TNFRSF21: variants seen among roughly 807,000 people sequenced by gnomAD.
TNFRSF21 encodes the protein tumor necrosis factor receptor superfamily member 21.
Under a neutral mutation model 45.6 loss-of-function variants are expected in TNFRSF21, and 19 were observed. The ratio of observed to expected loss-of-function variants is 0.42; its 90% CI spans 0.29 to 0.61. The LOEUF (loss-of-function observed/expected upper bound fraction) is 0.61, where lower values mean the gene tolerates loss of function less well. Ranked by LOEUF, TNFRSF21 falls within the 20% of genes least tolerant of loss-of-function variation. TNFRSF21 has a pLI of 0.23. For missense variants in TNFRSF21, 737 were observed against 851.5 expected (o/e 0.87, Z 1.67); for synonymous variants, 314 against 335.5 (o/e 0.94, Z 0.70).
intron 4 of TNFRSF21, among the ~76,000 whole-genome samples, chr6:47,244,719 G>T (rs530998149): frequency 1.3e-5 from 2 of 152,180 alleles, no homozygotes; most frequent in Admixed American, 1.3e-4. Context: ...TTCCTCTGTG[G>T]CAATTGTTTA....
rs1455929041 is a variant in TNFRSF21 at position 47,232,839 on chromosome 6, T to C, written c.1894A>G (p.Ile632Val). The change falls in exon 6 of 6, where the codon ATT (isoleucine) becomes GTT (valine). Residue 632 changes from isoleucine (I) to valine (V), a missense_variant. By Grantham distance (29) the Ile-to-Val change is conservative (BLOSUM62 3). Transcript: ENST00000296861. ...EDKLDRLFEI[I>V]GVKSQEASQT... The stretch of plus-strand genomic sequence containing the variant: ...CTGGCTTCCTGGCTCTTGACTCCAA[T>C]AATTTCGAATAGCCGGTCTAGTTTG... The C allele has an allele frequency of 1.2e-6, 2 of 1,614,128 alleles. No homozygotes were observed. Among genetic ancestry groups the C allele is most frequent in the African/African-American group, 2.7e-5 (2 of 75,010 alleles).
chr6:47,253,888 C>A (rs968525003), intron 3 of TNFRSF21, among the ~76,000 whole-genome samples: 23 of 152,184 alleles, frequency 1.5e-4, no homozygotes, highest in African/African-American at 5.5e-4. Context: ...CCAAGATCCC[C>A]AGTGGATGCC....
chr6:47,305,597 G>A (rs1193610642), intron 1 of TNFRSF21, among the ~76,000 whole-genome samples: 2 of 152,124 alleles, frequency 1.3e-5, no homozygotes, highest in African/African-American at 2.4e-5. Flanking sequence ...GCCAATGTAC[G>A]AGGTAATGTA....
intron 3 of TNFRSF21, among the ~76,000 whole-genome samples, chr6:47,265,951 A>C (rs1561943857): frequency 6.6e-6 from 1 of 152,196 alleles, no homozygotes; most frequent in Non-Finnish European, 1.5e-5. Flanking sequence ...TGGTTTTAAT[A>C]ATTCAGATGA....
chr6:47,234,288 C>G (rs1764629831), intron 5 of TNFRSF21, among the ~76,000 whole-genome samples: 1 of 152,114 alleles, frequency 6.6e-6, no homozygotes, highest in South Asian at 2.1e-4. Flanking sequence ...AAAACCTGTA[C>G]TTCTGACTCT....
intron 4 of TNFRSF21, among the ~76,000 whole-genome samples, chr6:47,235,295 T>G (rs1270981384): frequency 6.6e-6 from 1 of 152,152 alleles, no homozygotes; most frequent in Non-Finnish European, 1.5e-5. Context: ...CCCCAGTACT[T>G]CAGAATGCGA....
At chr6:47,260,885 T>G (rs562578826) in intron 3 of TNFRSF21, among the ~76,000 whole-genome samples, 1 of 152,338 alleles carries the variant, frequency 6.6e-6, no homozygotes, top group Non-Finnish European at 1.5e-5. Flanking sequence ...TTGTTACATG[T>G]AATGTCAGTT....
chr6:47,268,558 A>G (rs1561944483), intron 3 of TNFRSF21, among the ~76,000 whole-genome samples: 1 of 152,308 alleles, frequency 6.6e-6, no homozygotes, highest in East Asian at 1.9e-4. Context: ...ATTTGTGTTG[A>G]AAGATTTTAA....
rs757811556 is a variant in TNFRSF21, at chr6:47,286,396, T to C, written c.296A>G (p.His99Arg). 3.7e-6 allele frequency: 6 copies of C among 1,614,122 alleles called. No homozygotes were observed. In the South Asian group the frequency reaches 5.5e-5, roughly 15 times the overall value. Residue 99 changes from histidine (H) to arginine (R), a missense_variant, in exon 2 of 6, where the codon CAT (histidine) becomes CGT (arginine). By Grantham distance (29) the His-to-Arg change is conservative. Coordinates refer to ENST00000296861, the MANE Select transcript of TNFRSF21 (RefSeq NM_014452.5). The part of the protein sequence containing the change: ...SSCPVGTFTR[H>R]ENGIEKCHDC... ...ATGGCATTTCTCTATGCCATTCTCA[T>C]GCCTGGTAAAGGTCCCCACAGGGCA...
chr6:47,236,715 C>A (rs1229728069), intron 4 of TNFRSF21, among the ~76,000 whole-genome samples: 1 of 152,224 alleles, frequency 6.6e-6, no homozygotes, highest in Non-Finnish European at 1.5e-5. Context: ...AATGTTAATT[C>A]CATAGGCCCT....
At chr6:47,238,917 G>C (rs1407787728) in intron 4 of TNFRSF21, among the ~76,000 whole-genome samples, 3 of 152,112 alleles carry the variant, frequency 2.0e-5, no homozygotes, top group Non-Finnish European at 2.9e-5. Flanking sequence ...CTGTGTCCTT[G>C]CCAACCCTAC....
At chr6:47,277,756 G>A (rs1762519301) in intron 3 of TNFRSF21, among the ~76,000 whole-genome samples, 1 of 152,130 alleles carries the variant, frequency 6.6e-6, no homozygotes, top group African/African-American at 2.4e-5. Context: ...GGTTTTAACT[G>A]AGAGTCCATG....
chr6:47,265,285 C>T (rs1762316028), intron 3 of TNFRSF21, among the ~76,000 whole-genome samples: 1 of 152,200 alleles, frequency 6.6e-6, no homozygotes, highest in African/African-American at 2.4e-5. Flanking sequence ...GGAAAATTTA[C>T]TGTTGATGAC....
At chr6:47,300,112 A>G (rs1762845149) in intron 1 of TNFRSF21, among the ~76,000 whole-genome samples, 1 of 152,220 alleles carries the variant, frequency 6.6e-6, no homozygotes, top group African/African-American at 2.4e-5. Context: ...CACAGTGCCG[A>G]CTGGAGGGGA....
At chr6:47,256,982 A>G (rs1408596637) in intron 3 of TNFRSF21, among the ~76,000 whole-genome samples, 2 of 152,180 alleles carry the variant, frequency 1.3e-5, no homozygotes, top group African/African-American at 4.8e-5. Context: ...GGAGAAACTC[A>G]CTAGGGTCAC....
At chr6:47,274,683 T>G (rs897025449) in intron 3 of TNFRSF21, among the ~76,000 whole-genome samples, 3 of 151,922 alleles carry the variant, frequency 2.0e-5, no homozygotes, top group Non-Finnish European at 2.9e-5. Context: ...AAAGAAACTA[T>G]CATCAGAGTG....
intron 3 of TNFRSF21, among the ~76,000 whole-genome samples, chr6:47,273,477 A>C (rs10948343): frequency 0.31 from 46,962 of 151,890 alleles, 7,446 homozygotes; most frequent in Non-Finnish European, 0.35. Flanking sequence ...CATGCTAAAA[A>C]ATCTCAATAA....
At chr6:47,266,512 C>T (rs552893320) in intron 3 of TNFRSF21, among the ~76,000 whole-genome samples, 1 of 152,248 alleles carries the variant, frequency 6.6e-6, no homozygotes, top group African/African-American at 2.4e-5. Flanking sequence ...TAAAATATAA[C>T]TTAGTTCAAT....
At position 47,253,525 on chromosome 6, in the gene TNFRSF21, C is replaced by T. The variant is rs1334110205; in HGVS notation, c.1244-4G>A. The T allele has an allele frequency of 1.2e-6, 2 of 1,608,578 alleles. No individual in the cohort carries two copies. Among genetic ancestry groups the T allele is most frequent in the South Asian group, 2.2e-5 (2 of 91,036 alleles). ...ACAAGCTTCAGGATATCGATACCTA[C>T]ACCAGAGAAAAAATAAAAAACAAAT... On this transcript the variant is annotated splice_polypyrimidine_tract_variant and splice_region_variant and intron_variant, in intron 3 of 5. Transcript: ENST00000296861.
Sources: gnomAD v4.1 joint callset for allele counts (sites outside exome capture counted in the v4.1 genomes callset) on GRCh38, gnomAD v4.1.1 for gene constraint, MANE v1.5 for transcripts, NCBI Gene and HGNC (gene_info 2026-07-23, HGNC 2026-07-21) for gene names.